MRPL42: variants seen among roughly 807,000 people sequenced by gnomAD.
MRPL42 encodes mitochondrial ribosomal protein L42.
Under a neutral mutation model 17.9 loss-of-function variants are expected in MRPL42, and 17 were observed. The observed-to-expected ratio is 0.95, with a 90% CI of 0.65 to 1.42. The LOEUF (loss-of-function observed/expected upper bound fraction) is 1.42. Among genes scored for constraint, MRPL42 ranks in the 40% most tolerant of loss-of-function variants. MRPL42 has a pLI of 0.00. For synonymous variants in MRPL42, 59 were observed against 54.4 expected (o/e 1.08, Z -0.37); for missense variants, 177 against 175.2 (o/e 1.01, Z -0.06).
intron 2 of MRPL42, among the ~76,000 whole-genome samples, chr12:93,471,427 G>A (rs1879904488): frequency 1.3e-5 from 2 of 152,122 alleles, no homozygotes; most frequent in South Asian, 4.1e-4. Flanking sequence ...GCCTCCCGAA[G>A]TGCTGAGATT....
intron 4 of MRPL42, among the ~76,000 whole-genome samples, chr12:93,483,446 G>A (rs1019381933): frequency 5.3e-5 from 8 of 152,216 alleles, no homozygotes; most frequent in East Asian, 1.9e-4. Context: ...GGCTGCAAAC[G>A]TATACAGCAT....
rs1217558034 is a variant in MRPL42 at position 93,509,518 on chromosome 12, A to G, written c.*8297A>G. ...CACAGTGGCACATGCCTGTAGACCT[A>G]GCTACTCAGGAGGCTAAGACAGGAG... On this transcript the variant is annotated 3_prime_UTR_variant, in exon 6 of 6. Transcript: ENST00000549982. 2 of 151,972 alleles carry G rather than the reference A, an allele frequency of 1.3e-5. No homozygotes were observed. Among genetic ancestry groups the G allele is most frequent in the Admixed American group, 6.6e-5 (1 of 15,246 alleles). The allele number at this position is 151,972 out of a possible 1,614,324, so 9.4% of individuals were successfully genotyped here. A position where few individuals can be genotyped will look rare whatever the true frequency, so the allele number is the denominator to read the frequency against.
At position 93,507,106 on chromosome 12, in the gene MRPL42, A is replaced by AGAT. The variant is rs1451501810; in HGVS notation, c.*5887_*5889dup. The AGAT allele has an allele frequency of 7.2e-5, 11 of 152,244 alleles. No individual in the cohort carries two copies. The highest frequency in any genetic ancestry group is 2.4e-4 in the African/African-American group (10 of 41,468). 9.4% of individuals were successfully genotyped at this position (152,244 alleles called of 1,614,324 possible). On this transcript the variant is annotated 3_prime_UTR_variant, in exon 6 of 6. Coordinates refer to ENST00000549982, the MANE Select transcript of MRPL42 (RefSeq NM_014050.4). ...ACTGATGAAATGTGCCTTTAGCAAT[A>AGAT]GATGTGTCCAGTGATGTACTAATGA...
In MRPL42 at chr12:93,512,462, TAATAA is replaced by T. The variant is rs1215037844; in HGVS notation, c.*11245_*11249del. ...AGTGAAACTCTGCCTCAAAATAAAA[TAATAA>T]AATGAAATAAAGATATAAATTGGCC... On this transcript the variant is annotated 3_prime_UTR_variant, in exon 6 of 6. Coordinates refer to ENST00000549982, the MANE Select transcript of MRPL42 (RefSeq NM_014050.4). 6.6e-6 allele frequency: 1 copy of T among 152,180 alleles called. No individual in the cohort carries two copies. The highest frequency in any genetic ancestry group is 1.5e-5 in the Non-Finnish European group (1 of 68,028). 9.4% of individuals were successfully genotyped at this position (152,180 alleles called of 1,614,324 possible). A position where few individuals can be genotyped will look rare whatever the true frequency, so the allele number is the denominator to read the frequency against.
At position 93,502,910 on chromosome 12, in the gene MRPL42, A is replaced by G. The variant is rs1468632649; in HGVS notation, c.*1689A>G. 1 of 152,186 alleles carries G rather than the reference A, an allele frequency of 6.6e-6. No individual in the cohort carries two copies. 9.4% of individuals were successfully genotyped at this position (152,186 alleles called of 1,614,324 possible). On this transcript the variant is annotated 3_prime_UTR_variant, in exon 6 of 6. Transcript: ENST00000549982. ...ACTTTGACTTTATTCTACTGGAAGT[A>G]TAGATTAACACTGTGCTTTCTGGGA...
intron 2 of MRPL42, among the ~76,000 whole-genome samples, chr12:93,475,912 C>T (rs938731696): frequency 2.0e-5 from 3 of 151,774 alleles, no homozygotes; most frequent in Non-Finnish European, 2.9e-5. Flanking sequence ...ACCTGGGAGG[C>T]GGAGCTTGCA....
rs561492887 is a variant in MRPL42 at position 93,476,942 on chromosome 12, G to C, written c.71-12G>C. The C allele has an allele frequency of 6.2e-7, 1 of 1,601,526 alleles. No homozygotes were observed. Among genetic ancestry groups the C allele is most frequent in the East Asian group, 2.2e-5 (1 of 44,614 alleles). Reference sequence around the variant, plus strand: ...TTAACCAAATCTGTTTTACTGTTTGGGGTTTTTGCAGATGGAGCTTTATAT... The same window carrying C: ...TTAACCAAATCTGTTTTACTGTTTGCGGTTTTTGCAGATGGAGCTTTATAT... On this transcript the variant is annotated splice_polypyrimidine_tract_variant and intron_variant, in intron 2 of 5. Transcript: ENST00000549982.
intron 2 of MRPL42, chr12:93,470,674 AC>A: frequency 1.6e-6 from 1 of 619,338 alleles, no homozygotes; most frequent in South Asian, 3.8e-5. Flanking sequence ...GTCCATATGT[AC>A]CCAATGTTTA....
intron 4 of MRPL42, among the ~76,000 whole-genome samples, chr12:93,484,418 C>G (rs1458008292): frequency 2.6e-5 from 4 of 151,938 alleles, no homozygotes; most frequent in African/African-American, 9.7e-5. Flanking sequence ...ATGTGCTATA[C>G]TTTTATACAG....
At position 93,512,789 on chromosome 12, in the gene MRPL42, G is replaced by A. The variant is rs867617162; in HGVS notation, c.*11568G>A. On this transcript the variant is annotated 3_prime_UTR_variant, in exon 6 of 6. Coordinates refer to ENST00000549982, the MANE Select transcript of MRPL42 (RefSeq NM_014050.4). ...CTTTAAGTTTTATTTTCCAACAAAA[G>A]AATGTCTACATACGGCAAATTCATA... 1.9e-4 allele frequency: 29 copies of A among 152,286 alleles called. No homozygotes were observed. Among genetic ancestry groups the A allele is most frequent in the African/African-American group, 6.7e-4 (28 of 41,564 alleles). The allele number at this position is 152,286 out of a possible 1,614,324, so 9.4% of individuals were successfully genotyped here.
At chr12:93,491,661 G>C (rs1953417190) in intron 5 of MRPL42, among the ~76,000 whole-genome samples, 1 of 152,040 alleles carries the variant, frequency 6.6e-6, no homozygotes. Context: ...AGCTTCAGAG[G>C]GTACACAAGG....
At chr12:93,486,901 T>C (rs1286694615) in intron 4 of MRPL42, among the ~76,000 whole-genome samples, 1 of 151,614 alleles carries the variant, frequency 6.6e-6, no homozygotes, top group Non-Finnish European at 1.5e-5. Context: ...TGAACTGAAG[T>C]GATCCTCCCA....
At chr12:93,469,129 T>A (rs933043256) in intron 1 of MRPL42, 63 bp from the exon 2 acceptor site, 1 of 555,640 alleles carries the variant, frequency 1.8e-6, no homozygotes, top group Non-Finnish European at 3.1e-6. Context: ...CTTGTTCTTG[T>A]GGTGTTTAAT....
chr12:93,477,463 A>G (rs190172110), intron 3 of MRPL42, among the ~76,000 whole-genome samples: 2 of 152,366 alleles, frequency 1.3e-5, no homozygotes, highest in African/African-American at 2.4e-5. Context: ...AGAACTAGGA[A>G]TAACATATGA....
At chr12:93,488,935 C>A (rs1246154774) in intron 5 of MRPL42, among the ~76,000 whole-genome samples, 4 of 151,780 alleles carry the variant, frequency 2.6e-5, no homozygotes, top group African/African-American at 7.3e-5. Context: ...AAGCAATCCT[C>A]CTTCCTCAGC....
In MRPL42 at chr12:93,511,136, A is replaced by G. The variant is rs1041872621; in HGVS notation, c.*9915A>G. The stretch of plus-strand genomic sequence containing the variant: ...TACTCATAAATATAATTCTTCATAT[A>G]CTGAGTTCAGTTTTTTAGCCATAAA... On this transcript the variant is annotated 3_prime_UTR_variant, in exon 6 of 6. Coordinates refer to ENST00000549982, the MANE Select transcript of MRPL42 (RefSeq NM_014050.4). 2.0e-5 allele frequency: 3 copies of G among 152,218 alleles called. No homozygotes were observed. The highest frequency in any genetic ancestry group is 7.2e-5 in the African/African-American group (3 of 41,460). 9.4% of individuals were successfully genotyped at this position (152,218 alleles called of 1,614,324 possible).
chr12:93,469,112 T>C, intron 1 of MRPL42, 80 bp from the exon 2 acceptor site: 1 of 532,774 alleles, frequency 1.9e-6, no homozygotes, highest in African/African-American at 2.0e-5. Context: ...TAGGCAGTGA[T>C]TCTTACCTTG....
chr12:93,476,562 T>C (rs1022707805), intron 2 of MRPL42, among the ~76,000 whole-genome samples: 10 of 152,216 alleles, frequency 6.6e-5, no homozygotes, highest in African/African-American at 2.4e-4. Flanking sequence ...TTACTCACTC[T>C]GCTAGAAACA....
chr12:93,495,407 T>C (rs547274919), intron 5 of MRPL42, among the ~76,000 whole-genome samples: 110 of 151,798 alleles, frequency 7.2e-4, no homozygotes, highest in African/African-American at 2.6e-3. Flanking sequence ...TGTTGTTGTT[T>C]GTATTTTTTG....
Sources: allele counts gnomAD v4.1 joint callset (sites outside exome capture counted in the v4.1 genomes callset), GRCh38; gene constraint gnomAD v4.1.1; transcripts MANE v1.5; gene names NCBI Gene and HGNC (gene_info 2026-07-23, HGNC 2026-07-21).